Variants in TENM4 observed in about 807,000 individuals in gnomAD.
TENM4 encodes the protein teneurin transmembrane protein 4.
TENM4 carries 82 observed loss-of-function variants against 243.3 expected under a neutral mutation model. That is an observed-to-expected ratio of 0.34 (90% CI 0.28 to 0.40). The LOEUF (loss-of-function observed/expected upper bound fraction) is 0.40. TENM4 is among the 10% of genes least tolerant of loss of function. The probability of loss-of-function intolerance (pLI) is 1.00; values close to 1 mark genes in which losing one functional copy is unlikely to be tolerated. For missense variants in TENM4, 3,138 were observed against 3,673.3 expected (o/e 0.85, Z 3.77); for synonymous variants, 1,412 against 1,456.3 (o/e 0.97, Z 0.69).
Position 79,029,418 on chromosome 11 carries a change from C to T in TENM4, c.493+35320G>A, listed in dbSNP as rs1016453183. Among the ~76,000 whole-genome samples the T allele has an allele frequency of 3.3e-5, 5 of 152,202 alleles. 1 individual carries two copies. The highest frequency in any genetic ancestry group is 1.2e-4 in the African/African-American group (5 of 41,446). On this transcript the variant is annotated intron_variant, in intron 6 of 33. Coordinates refer to ENST00000278550, the MANE Select transcript of TENM4 (RefSeq NM_001098816.3). ...AAATTTGTTTTTCCCAGGACTGCCACCTCCCCACCCTCAATCAATTTCTTT... is the reference window on the plus strand; with the variant it reads ...AAATTTGTTTTTCCCAGGACTGCCATCTCCCCACCCTCAATCAATTTCTTT...
intron 12 of TENM4, among the ~76,000 whole-genome samples, chr11:78,834,806 G>C (rs1187939901): frequency 1.3e-5 from 2 of 152,140 alleles, no homozygotes; most frequent in African/African-American, 2.4e-5. Flanking sequence ...TGAGATGAGG[G>C]AGGAAACTTA....
rs753636753 is a variant in TENM4, at chr11:79,069,858, G to T, written c.87C>A (p.Ser29Arg). The T allele has an allele frequency of 2.6e-6, 4 of 1,550,056 alleles. No homozygotes were observed. In the African/African-American group the frequency reaches 4.1e-5, roughly 16 times the overall value. Residue 29 changes from serine (S) to arginine (R), a missense_variant, in exon 5 of 34, where the codon AGC becomes AGA. Around this residue, in one of 2 missense-constraint regions of TENM4, gnomAD observed 671 missense variants for 614.1 expected, o/e 1.09. Coordinates refer to ENST00000278550, the MANE Select transcript of TENM4 (RefSeq NM_001098816.3). ...ATTTCTGCGGGGCTTTGCCCTCCTCGCTGTCCGCGGACGAGCTGGTGTAGC... is the reference window on the plus strand; with the variant it reads ...ATTTCTGCGGGGCTTTGCCCTCCTCTCTGTCCGCGGACGAGCTGGTGTAGC... ...ERRYTSSSAD[S>R]EEGKAPQKSY...
At chr11:78,837,407 T>G (rs921482746) in intron 12 of TENM4, among the ~76,000 whole-genome samples, 1 of 152,226 alleles carries the variant, frequency 6.6e-6, no homozygotes, top group Non-Finnish European at 1.5e-5. Context: ...CCTCTTTTTC[T>G]TTATAAATTA....
intron 2 of TENM4, among the ~76,000 whole-genome samples, chr11:79,259,703 A>G (rs969053476): frequency 2.1e-5 from 3 of 141,950 alleles, no homozygotes; most frequent in African/African-American, 5.7e-5. Context: ...CCATCCATCC[A>G]TGCACACCCA....
At chr11:79,064,488 G>A (rs994159624) in intron 6 of TENM4, 2 of 510,576 alleles carry the variant, frequency 3.9e-6, no homozygotes, top group Non-Finnish European at 3.5e-6. Context: ...CACCTTATGA[G>A]CAATGACCCA....
intron 2 of TENM4, among the ~76,000 whole-genome samples, chr11:79,240,020 G>A (rs772578714): frequency 1.3e-5 from 2 of 152,142 alleles, no homozygotes; most frequent in African/African-American, 2.4e-5. Context: ...CAAGGTACTC[G>A]TCACAGAAAA....
intron 1 of TENM4, among the ~76,000 whole-genome samples, chr11:79,422,438 T>C (rs1249694267): frequency 2.0e-5 from 3 of 152,106 alleles, no homozygotes; most frequent in South Asian, 2.1e-4. Flanking sequence ...GGAGACTAGA[T>C]ACCTGTCATC....
At chr11:78,758,682 C>A (rs1012317718) in intron 18 of TENM4, among the ~76,000 whole-genome samples, 1 of 152,156 alleles carries the variant, frequency 6.6e-6, no homozygotes, top group Non-Finnish European at 1.5e-5. Context: ...ACTTGATTGT[C>A]CTAAAACCTA....
chr11:79,141,702 C>A (rs1862287748), intron 4 of TENM4, among the ~76,000 whole-genome samples: 3 of 151,950 alleles, frequency 2.0e-5, no homozygotes, highest in Middle Eastern at 6.8e-3. Flanking sequence ...TAAACAAAAC[C>A]AAACAAACAA....
intron 2 of TENM4, among the ~76,000 whole-genome samples, chr11:79,294,851 A>G (rs962769139): frequency 6.6e-6 from 1 of 151,102 alleles, no homozygotes; most frequent in African/African-American, 2.4e-5. Context: ...CTCTGTCTCA[A>G]AAAAAAAAGA....
In TENM4 at chr11:78,676,208, G is replaced by A. The variant is rs912426848; in HGVS notation, c.5440C>T (p.Arg1814Cys). 4 of 1,582,226 alleles carry A rather than the reference G, an allele frequency of 2.5e-6. No homozygotes were observed. Among genetic ancestry groups the A allele is most frequent in the East Asian group, 2.3e-5 (1 of 43,430 alleles). The change falls in exon 30 of 34, where the codon CGC becomes TGC. Residue 1814 changes from arginine (R) to cysteine (C), a missense_variant. Transcript: ENST00000278550. ...IDNGLNLVEW[R>C]QRKEQARGQV... ...CCCCGAGCCTGCTCTTTGCGCTGGC[G>A]CCACTCCACCAGGTTGAGGCCGTTG...
intron 8 of TENM4, among the ~76,000 whole-genome samples, chr11:78,890,495 T>A (rs1489360188): frequency 6.6e-6 from 1 of 152,242 alleles, no homozygotes; most frequent in Non-Finnish European, 1.5e-5. Context: ...GTATCTCAAC[T>A]GAGGATTGGA....
At chr11:79,210,531 C>T (rs746323190) in intron 3 of TENM4, among the ~76,000 whole-genome samples, 8 of 152,180 alleles carry the variant, frequency 5.3e-5, no homozygotes, top group Non-Finnish European at 1.0e-4. Context: ...CAAACAGTGC[C>T]AAGCAAGCGT....
intron 4 of TENM4, among the ~76,000 whole-genome samples, chr11:79,125,622 C>G (rs1861858756): frequency 6.6e-6 from 1 of 152,200 alleles, no homozygotes; most frequent in South Asian, 2.1e-4. Context: ...CTCTGATGAA[C>G]TTTTTTGCCA....
chr11:79,377,269 T>C (rs1370562946), intron 1 of TENM4, among the ~76,000 whole-genome samples: 1 of 152,208 alleles, frequency 6.6e-6, no homozygotes, highest in Non-Finnish European at 1.5e-5. Flanking sequence ...TCCAGAACTG[T>C]GAGAGAAGAG....
chr11:79,235,001 A>G (rs1864437775), intron 2 of TENM4, among the ~76,000 whole-genome samples: 1 of 152,140 alleles, frequency 6.6e-6, no homozygotes, highest in South Asian at 2.1e-4. Flanking sequence ...AAGAGGGAAG[A>G]CTAAAAATCC....
intron 1 of TENM4, among the ~76,000 whole-genome samples, chr11:79,363,603 C>A (rs1047141618): frequency 6.6e-6 from 1 of 152,156 alleles, no homozygotes; most frequent in Admixed American, 6.5e-5. Context: ...TTACATGAGA[C>A]AATGTGTGTA....
At chr11:78,788,540 TCAGA>T (rs1220295986) in intron 15 of TENM4, among the ~76,000 whole-genome samples, 1 of 152,064 alleles carries the variant, frequency 6.6e-6, no homozygotes, top group East Asian at 1.9e-4. Context: ...CCTGGTCCTG[TCAGA>T]CAGTTCCTTG....
chr11:78,765,369 C>A (rs1354773538), intron 18 of TENM4, among the ~76,000 whole-genome samples: 1 of 152,158 alleles, frequency 6.6e-6, no homozygotes, highest in African/African-American at 2.4e-5. Context: ...TGAAGGGTGA[C>A]CAAATTCTTT....
Sources: gnomAD v4.1 joint callset for allele counts (sites outside exome capture counted in the v4.1 genomes callset) on GRCh38, gnomAD v4.1.1 for gene constraint, gnomAD v4.1.1 regional missense constraint, MANE v1.5 for transcripts, NCBI Gene and HGNC (gene_info 2026-07-23, HGNC 2026-07-21) for gene names.